The following STOX1 variants were observed in gnomAD, a reference collection of about 807,000 sequenced individuals.
The protein encoded by STOX1 is storkhead-box protein 1.
STOX1 carries 57 observed loss-of-function variants against 74.8 expected under a neutral mutation model. The observed-to-expected ratio is 0.76, with a 90% confidence interval of 0.62 to 0.95. The LOEUF (loss-of-function observed/expected upper bound fraction) is 0.95. Ranked by LOEUF, STOX1 falls within the 40% of genes least tolerant of loss-of-function variation. The pLI is 0.00. For missense variants in STOX1, 1,010 were observed against 1,117.0 expected, an observed-to-expected ratio of 0.90 and a Z score of 1.37; for synonymous variants, 375 against 401.3, an observed-to-expected ratio of 0.93 and a Z score of 0.78.
intron 1 of STOX1, among the ~76,000 whole-genome samples, chr10:68,854,215 G>T (rs1218472863): frequency 2.0e-5 from 3 of 151,336 alleles, no homozygotes; most frequent in Admixed American, 6.6e-5. Context: ...GGCTGATCTC[G>T]AACTCCTGAC....
At chr10:68,839,672 C>T (rs1049160907) in intron 1 of STOX1, among the ~76,000 whole-genome samples, 5 of 152,158 alleles carry the variant, frequency 3.3e-5, no homozygotes, top group Non-Finnish European at 5.9e-5. Flanking sequence ...GGTGGATTAC[C>T]TGAGGTCAGG....
At chr10:68,863,314 G>A (rs958822265) in intron 1 of STOX1, among the ~76,000 whole-genome samples, 15 of 152,064 alleles carry the variant, frequency 9.9e-5, no homozygotes, top group Admixed American at 1.3e-4. Flanking sequence ...CGCTATCATA[G>A]CTATCATTAA....
chr10:68,854,280 C>T (rs1320534820), intron 1 of STOX1, among the ~76,000 whole-genome samples: 1 of 151,900 alleles, frequency 6.6e-6, no homozygotes. Flanking sequence ...CAGGTGTGAG[C>T]CACTGTGCCC....
chr10:68,843,639 C>A (rs1251153726), intron 1 of STOX1, among the ~76,000 whole-genome samples: 2 of 152,064 alleles, frequency 1.3e-5, no homozygotes, highest in African/African-American at 4.8e-5. Flanking sequence ...CTCCCTGCAA[C>A]CTCTGCCTTC....
chr10:68,861,932 C>T (rs1010192506), intron 1 of STOX1, among the ~76,000 whole-genome samples: 1 of 151,966 alleles, frequency 6.6e-6, no homozygotes, highest in Non-Finnish European at 1.5e-5. Context: ...AGGAGTGATA[C>T]AAAAGTCAGA....
chr10:68,885,511 A>G lies in STOX1; in HGVS notation c.1715A>G (p.Lys572Arg). Residue 572 changes from lysine to arginine, a missense_variant, in exon 3 of 4, where the codon AAA becomes AGA. Coordinates refer to ENST00000298596, the MANE Select transcript of STOX1 (RefSeq NM_152709.5). ...ATTTACATAAATGACCCTACTGTCA[A>G]ACCCATCAATGATGACTTCAGAGGT... The part of the protein sequence containing the change: ...ESIYINDPTV[K>R]PINDDFRGHL... 6.2e-7 allele frequency: 1 copy of G among 1,614,252 alleles called. No individual in the cohort carries two copies. Among genetic ancestry groups the G allele is most frequent in the South Asian group, 1.1e-5 (1 of 91,086 alleles).
intron 1 of STOX1, among the ~76,000 whole-genome samples, chr10:68,859,976 A>T (rs912328324): frequency 6.6e-6 from 1 of 151,870 alleles, no homozygotes; most frequent in Non-Finnish European, 1.5e-5. Context: ...AGAATCGGAG[A>T]TGAAGGAAGG....
intron 1 of STOX1, among the ~76,000 whole-genome samples, chr10:68,849,516 C>T (rs1839928376): frequency 6.6e-6 from 1 of 152,096 alleles, no homozygotes; most frequent in Non-Finnish European, 1.5e-5. Context: ...TTCTGCCCAT[C>T]TGAGAGAGGG....
chr10:68,884,531 G>A lies in STOX1; in HGVS notation c.735G>A (p.Gln245=). ...AAPISHCQSC[Q]CFRDMHTQDV... ...CCATATCCCACTGTCAGTCTTGCCA[G>A]TGTTTCCGGGACATGCACACTCAGG... Residue 245 remains glutamine (Q), a synonymous_variant, in exon 3 of 4, where the codon CAG becomes CAA. Transcript: ENST00000298596. 1.2e-6 allele frequency: 2 copies of A among 1,613,842 alleles called. No individual in the cohort carries two copies. The highest frequency in any genetic ancestry group is 1.7e-6 in the Non-Finnish European group (2 of 1,180,048).
intron 1 of STOX1, among the ~76,000 whole-genome samples, chr10:68,854,677 T>C (rs1840077668): frequency 6.6e-6 from 1 of 152,086 alleles, no homozygotes; most frequent in Non-Finnish European, 1.5e-5. Flanking sequence ...TTGATCTACC[T>C]GGGGTGTTTT....
intron 1 of STOX1, among the ~76,000 whole-genome samples, chr10:68,877,882 C>G (rs1156600584): frequency 1.3e-5 from 2 of 152,172 alleles, no homozygotes; most frequent in African/African-American, 4.8e-5. Flanking sequence ...GGAAACTTTT[C>G]CCCCCTCTTT....
chr10:68,853,026 G>A (rs1694473), intron 1 of STOX1, among the ~76,000 whole-genome samples: 12,407 of 151,330 alleles, frequency 0.082, 560 homozygotes, highest in Middle Eastern at 0.1. Context: ...GGGTTCAAGC[G>A]ATTCTCCTGC....
chr10:68,883,692 G>GTGGC (rs764848363), intron 2 of STOX1, among the ~76,000 whole-genome samples: 152 of 151,298 alleles, frequency 1.0e-3, no homozygotes, highest in Non-Finnish European at 1.9e-3. Context: ...GGGATTACAG[G>GTGGC]TGTGAGCCAC....
At chr10:68,892,110 C>T (rs148737576) in intron 3 of STOX1, among the ~76,000 whole-genome samples, 1 of 152,172 alleles carries the variant, frequency 6.6e-6, no homozygotes, top group African/African-American at 2.4e-5. Flanking sequence ...GCCTACCAAA[C>T]AGTATTGTGA....
chr10:68,886,635 G>A lies in STOX1; in HGVS notation c.2822+17G>A. Reference sequence around the variant, plus strand: ...TTCTCCACGGTAGGTCCATACAAAAGTGTCTGATTTAGGCCGGGCGCAGTG... The same window carrying A: ...TTCTCCACGGTAGGTCCATACAAAAATGTCTGATTTAGGCCGGGCGCAGTG... On this transcript the variant is annotated intron_variant, in intron 3 of 3. Coordinates refer to ENST00000298596, the MANE Select transcript of STOX1 (RefSeq NM_152709.5). 6.2e-7 allele frequency: 1 copy of A among 1,612,834 alleles called. No individual in the cohort carries two copies. Among genetic ancestry groups the A allele is most frequent in the Non-Finnish European group, 8.5e-7 (1 of 1,179,524 alleles).
intron 1 of STOX1, among the ~76,000 whole-genome samples, chr10:68,855,046 A>C (rs1176792803): frequency 4.6e-5 from 7 of 151,858 alleles, no homozygotes; most frequent in Non-Finnish European, 8.8e-5. Context: ...TGAACCTAGG[A>C]GTTTGAGGTT....
chr10:68,846,157 T>TA (rs1017302384), intron 1 of STOX1, among the ~76,000 whole-genome samples: 10 of 137,224 alleles, frequency 7.3e-5, no homozygotes, highest in African/African-American at 2.2e-4. Context: ...TTATTATTAT[T>TA]ATTATTTGAG....
chr10:68,848,791 A>C (rs914174717), intron 1 of STOX1, among the ~76,000 whole-genome samples: 1 of 152,088 alleles, frequency 6.6e-6, no homozygotes, highest in Non-Finnish European at 1.5e-5. Flanking sequence ...CAGCCATCCA[A>C]GTAGCTAGGA....
At chr10:68,828,181 C>T in intron 1 of STOX1, 2 of 790,844 alleles carry the variant, frequency 2.5e-6, no homozygotes, top group Non-Finnish European at 3.1e-6. Flanking sequence ...TGCTGGTGCG[C>T]GCGCCCCCCG....
Sources: allele counts gnomAD v4.1 joint callset (sites outside exome capture counted in the v4.1 genomes callset), GRCh38; gene constraint gnomAD v4.1.1; transcripts MANE v1.5; gene names NCBI Gene and HGNC (gene_info 2026-07-23, HGNC 2026-07-21).